The following UBA7 variants were observed in gnomAD, a reference collection of about 807,000 sequenced individuals.
UBA7 encodes ubiquitin like modifier activating enzyme 7, also known as ubiquitin-like modifier-activating enzyme 7.
UBA7 carries 88 observed loss-of-function variants against 113.0 expected under a neutral mutation model. That is an observed-to-expected ratio of 0.78 (90% CI 0.66 to 0.93). The LOEUF (loss-of-function observed/expected upper bound fraction) is 0.93. Among genes scored for constraint, UBA7 ranks in the 40% least tolerant of loss-of-function variants. The probability of loss-of-function intolerance (pLI) is 0.00; values close to 1 mark genes in which losing one functional copy is unlikely to be tolerated. For synonymous variants in UBA7, 459 were observed against 513.0 expected (o/e 0.89, Z 1.42); for missense variants, 1,092 against 1,266.4 (o/e 0.86, Z 2.09).
At chr3:49,808,214 G>T (rs189278916) in intron 19 of UBA7, 102 bp from the exon 20 acceptor site, 125 of 1,533,546 alleles carry the variant, frequency 8.2e-5, no homozygotes, top group Middle Eastern at 1.7e-4. Flanking sequence ...CTGTCGGGGG[G>T]TTGCCCCACA....
At position 49,810,030 on chromosome 3, in the gene UBA7, T is replaced by C; in HGVS notation, c.1787A>G (p.Tyr596Cys). The C allele has an allele frequency of 6.2e-7, 1 of 1,613,610 alleles. No individual in the cohort carries two copies. Among genetic ancestry groups the C allele is most frequent in the Non-Finnish European group, 8.5e-7 (1 of 1,179,936 alleles). ...ASAAASEDAPYPVCTVRYFPS... is the reference protein window; with the variant it reads ...ASAAASEDAPCPVCTVRYFPS... ...GAAGTACCGCACGGTACAGACAGGGTAGGGGGCATCCTCAGAAGCTGCAGC... is the reference window on the plus strand; with the variant it reads ...GAAGTACCGCACGGTACAGACAGGGCAGGGGGCATCCTCAGAAGCTGCAGC... Residue 596 changes from tyrosine to cysteine, a missense_variant, in exon 14 of 24, where the codon TAC (tyrosine) becomes TGC (cysteine). Transcript: ENST00000333486. This position sits in a 1 kb window ranked among gnomAD's most constrained non-coding sequence, Gnocchi z 5.6.
rs988606139 is a variant in UBA7 at position 49,808,107 on chromosome 3, A to G, written c.2436T>C (p.Asp812=). The G allele has an allele frequency of 1.2e-6, 2 of 1,613,874 alleles. No individual in the cohort carries two copies. The highest frequency in any genetic ancestry group is 1.7e-6 in the Non-Finnish European group (2 of 1,179,960). The part of the protein sequence containing the change: ...PLKPLMFEKD[D]DSNFHVDFVV... ...CAAAGTCCACATGGAAGTTGCTGTC[A>G]TCATCCTGTAAGGCCCAAGTCAAAG... The change falls in exon 20 of 24, where the codon GAT becomes GAC. Residue 812 remains aspartate (D), a synonymous_variant. Coordinates refer to ENST00000333486, the MANE Select transcript of UBA7 (RefSeq NM_003335.3).
intron 6 of UBA7, 38 bp downstream of exon 6, chr3:49,812,370 T>A (rs902904214): frequency 6.2e-7 from 1 of 1,613,336 alleles, no homozygotes. Flanking sequence ...AGTGGAGGCT[T>A]GGGCCCTGCA....
In UBA7 at chr3:49,812,698, C is replaced by T; in HGVS notation, c.508G>A (p.Asp170Asn). The T allele has an allele frequency of 6.2e-7, 1 of 1,614,186 alleles. No individual in the cohort carries two copies. Among genetic ancestry groups the T allele is most frequent in the Non-Finnish European group, 8.5e-7 (1 of 1,180,042 alleles). The change falls in exon 5 of 24, where the codon GAC becomes AAC. Residue 170 changes from aspartate (D) to asparagine (N), a missense_variant. Transcript: ENST00000333486. ...GTCAGGGGTTCTGCCTCTGTGGGGT[C>T]CTGCACAGTGAAGTCCTCACCAAAG... is the stretch of plus-strand genomic sequence containing the variant. ...CDFGEDFTVQ[D>N]PTEAEPLTAA... is the part of the protein sequence containing the mutation.
At chr3:49,805,520 T>C (rs1018106311) in intron 23 of UBA7, 83 bp from the exon 24 acceptor site, 50 of 1,359,972 alleles carry the variant, frequency 3.7e-5, no homozygotes, top group Non-Finnish European at 5.1e-5. Context: ...GAGAGGGTGC[T>C]GGCAGGCCGT....
chr3:49,812,359 C>T, intron 6 of UBA7, 49 bp downstream of exon 6: 1 of 1,612,704 alleles, frequency 6.2e-7, no homozygotes, highest in Non-Finnish European at 8.5e-7. Context: ...TGCTCACTTC[C>T]AGTGGAGGCT....
At position 49,808,382 on chromosome 3, in the gene UBA7, C is replaced by G; in HGVS notation, c.2430+4G>C. 6.2e-7 allele frequency: 1 copy of G among 1,614,196 alleles called. No individual in the cohort carries two copies. Among genetic ancestry groups the G allele is most frequent in the Non-Finnish European group, 8.5e-7 (1 of 1,180,036 alleles). ...CCACTCCTCACTGCCACTTGGGCAC[C>G]CACCTTCTCAAACATCAGAGGCTTC... On this transcript the variant is annotated splice_donor_region_variant and intron_variant, in intron 19 of 23. Transcript: ENST00000333486.
chr3:49,809,154 T>C lies in UBA7; in HGVS notation c.2169A>G (p.Thr723=). 1 of 1,610,246 alleles carries C rather than the reference T, an allele frequency of 6.2e-7. No individual in the cohort carries two copies. Among genetic ancestry groups the C allele is most frequent in the South Asian group, 1.1e-5 (1 of 90,558 alleles). ...QPLEFDTNQD[T]HLLYVLAAAN... ...CAGCTGCCAGTACGTAGAGGAGGTG[T>C]GTGTCCTGCAGCCAGACCAAGAGCA... Residue 723 remains threonine, a synonymous_variant, in exon 18 of 24, where the codon ACA becomes ACG. Coordinates refer to ENST00000333486, the MANE Select transcript of UBA7 (RefSeq NM_003335.3).
At chr3:49,808,175 C>A in intron 19 of UBA7, 63 bp from the exon 20 acceptor site, 4 of 1,587,054 alleles carry the variant, frequency 2.5e-6, no homozygotes, top group Non-Finnish European at 3.4e-6. Context: ...TGGCCCACTG[C>A]GTGTCACTGC....
Position 49,810,374 on chromosome 3 carries a change from G to A in UBA7, c.1522C>T (p.Gln508Ter), listed in dbSNP as rs1304931869. The A allele has an allele frequency of 1.2e-6, 2 of 1,614,170 alleles. No homozygotes were observed. The highest frequency in any genetic ancestry group is 1.7e-6 in the Non-Finnish European group (2 of 1,180,026). The change falls in exon 13 of 24, where the codon CAG (glutamine) becomes TAG (stop). Residue 508 changes from glutamine (Q) to a stop codon, truncating the protein, a stop_gained. Coordinates refer to ENST00000333486, the MANE Select transcript of UBA7 (RefSeq NM_003335.3). LOFTEE classifies it high-confidence loss of function. This position sits in a 1 kb window ranked among gnomAD's most constrained non-coding sequence, Gnocchi z 5.6. ...AGTGGGTAGGTGAGCGGGATCACCT[G>A]TAAGTCTGGGTTCAGGCCCCGGGCA... ...AAARGLNPDL[Q>*]VIPLTYPLDP...
Position 49,805,289 on chromosome 3 carries a change from T to G in UBA7, c.*19A>C. ...GGATCCGGGGCTCCATTGAGCTAGG[T>G]GACAGGGTGGCTGCCTTGTCACAGC... On this transcript the variant is annotated 3_prime_UTR_variant, in exon 24 of 24. Transcript: ENST00000333486. 3 of 1,610,254 alleles carry G rather than the reference T, an allele frequency of 1.9e-6. No individual in the cohort carries two copies. The highest frequency in any genetic ancestry group is 2.5e-6 in the Non-Finnish European group (3 of 1,177,096).
rs1559438163 is a variant in UBA7, at chr3:49,813,135, G to A, written c.394C>T (p.Gln132Ter). ...TGACACAAGGTGCCCACCTTCAGCT[G>A]CTCCTCCAGCTTTGCAGCAGTCAGC... ...VVLTAAKLEE[Q>*]LKVGTLCHKH... Residue 132 changes from glutamine to a stop codon, truncating the protein, a stop_gained, in exon 4 of 24, where the codon CAG becomes TAG. Transcript: ENST00000333486. LOFTEE classifies it high-confidence loss of function. 5 of 1,614,208 alleles carry A rather than the reference G, an allele frequency of 3.1e-6. No homozygotes were observed. The highest frequency in any genetic ancestry group is 4.2e-6 in the Non-Finnish European group (5 of 1,180,026).
intron 21 of UBA7, 90 bp from the exon 22 acceptor site, chr3:49,806,255 G>C: frequency 8.2e-7 from 1 of 1,224,684 alleles, no homozygotes; most frequent in Non-Finnish European, 1.2e-6. Flanking sequence ...GGGAAGAGCT[G>C]GACTAGCAGG....
chr3:49,806,291 G>T (rs968422016), intron 21 of UBA7, 126 bp from the exon 22 acceptor site: 9 of 831,210 alleles, frequency 1.1e-5, no homozygotes, highest in East Asian at 5.4e-5. Context: ...GGTGGGGGGT[G>T]GGGGGGAGGT....
At chr3:49,811,776 C>G (rs2081551528) in intron 8 of UBA7, 94 bp downstream of exon 8, 2 of 1,567,316 alleles carry the variant, frequency 1.3e-6, no homozygotes, top group South Asian at 2.4e-5. Context: ...GTTGGGAGAT[C>G]AGACTTGGAT....
intron 21 of UBA7, among the ~76,000 whole-genome samples, chr3:49,806,909 C>T (rs1444663584): frequency 6.6e-6 from 1 of 152,136 alleles, no homozygotes; most frequent in Non-Finnish European, 1.5e-5. Flanking sequence ...CAAAGGGGCT[C>T]TGTGTGCTAG....
Position 49,809,735 on chromosome 3 carries a change from G to A in UBA7, c.1905-10C>T. On this transcript the variant is annotated splice_polypyrimidine_tract_variant and intron_variant, in intron 15 of 23. Coordinates refer to ENST00000333486, the MANE Select transcript of UBA7 (RefSeq NM_003335.3). ...CAGGGAAGTGTGTGCCCTGCAGAGA[G>A]AGGAGGAAGTGTGAGACTGAGTCCT... 2 of 1,614,146 alleles carry A rather than the reference G, an allele frequency of 1.2e-6. No individual in the cohort carries two copies. Among genetic ancestry groups the A allele is most frequent in the Admixed American group, 3.3e-5 (2 of 60,028 alleles).
At position 49,812,203 on chromosome 3, in the gene UBA7, T is replaced by A. The variant is rs1006844772; in HGVS notation, c.698A>T (p.Asp233Val). 1 of 1,614,178 alleles carries A rather than the reference T, an allele frequency of 6.2e-7. No individual in the cohort carries two copies. Among genetic ancestry groups the A allele is most frequent in the Non-Finnish European group, 8.5e-7 (1 of 1,180,032 alleles). Residue 233 changes from aspartate (D) to valine (V), a missense_variant, in exon 7 of 24, where the codon GAT becomes GTT. Physicochemically the swap from Asp to Val is radical, Grantham distance 152 (BLOSUM62 -3). Around this residue, in one of 3 missense-constraint regions of UBA7, gnomAD observed 584 missense variants for 714.5 expected, o/e 0.82. Coordinates refer to ENST00000333486, the MANE Select transcript of UBA7 (RefSeq NM_003335.3). ...CDPRSIHVRE[D>V]GSLEIGDTTT... Reference sequence around the variant, plus strand: ...TGTGTCTCCAATCTCCAGGGACCCATCCTCTGAGGGAGTTCCAGTCTAGTC... The same window carrying A: ...TGTGTCTCCAATCTCCAGGGACCCAACCTCTGAGGGAGTTCCAGTCTAGTC...
Position 49,813,621 on chromosome 3 carries a change from T to A in UBA7, c.83A>T (p.Gln28Leu). 1 of 1,614,226 alleles carries A rather than the reference T, an allele frequency of 6.2e-7. No homozygotes were observed. Among genetic ancestry groups the A allele is most frequent in the Non-Finnish European group, 8.5e-7 (1 of 1,180,050 alleles). ...CAGGACCCTGGCTCCCTGAATCCTC[T>A]GCATGGCAGGTGAGCCCAGCACATA... ...QLYVLGSPAM[Q>L]RIQGARVLVS... The change falls in exon 2 of 24, where the codon CAG (glutamine) becomes CTG (leucine). Residue 28 changes from glutamine to leucine, a missense_variant. Gln to Leu is a moderately radical substitution (Grantham distance 113). Around this residue, in one of 3 missense-constraint regions of UBA7, gnomAD observed 584 missense variants for 714.5 expected, o/e 0.82. Coordinates refer to ENST00000333486, the MANE Select transcript of UBA7 (RefSeq NM_003335.3).
Sources: gnomAD v4.1 joint callset for allele counts (sites outside exome capture counted in the v4.1 genomes callset) on GRCh38, gnomAD v4.1.1 for gene constraint, gnomAD v4.1.1 regional missense constraint, Gnocchi (gnomAD v3.1) non-coding constraint, MANE v1.5 for transcripts, NCBI Gene and HGNC (gene_info 2026-07-23, HGNC 2026-07-21) for gene names.